PTPRZ1: variants seen among roughly 807,000 people sequenced by gnomAD.
PTPRZ1 encodes the protein receptor-type tyrosine-protein phosphatase zeta.
Under a neutral mutation model 214.1 loss-of-function variants are expected in PTPRZ1, and 82 were observed. That is an observed-to-expected ratio of 0.38 (90% confidence interval 0.32 to 0.46). The LOEUF (loss-of-function observed/expected upper bound fraction) is 0.46. PTPRZ1 is among the 20% of genes least tolerant of loss of function. PTPRZ1 has a pLI of 1.00. For missense variants in PTPRZ1, 2,603 were observed against 2,748.7 expected, an observed-to-expected ratio of 0.95 and a Z score of 1.19; for synonymous variants, 945 against 987.9, an observed-to-expected ratio of 0.96 and a Z score of 0.81.
At chr7:121,918,065 A>G (rs1363954400) in intron 1 of PTPRZ1, among the ~76,000 whole-genome samples, 1 of 152,136 alleles carries the variant, frequency 6.6e-6, no homozygotes, top group Non-Finnish European at 1.5e-5. Context: ...AAAAAAAGGA[A>G]TTCATGCCAA....
chr7:121,924,485 A>C lies in PTPRZ1; in HGVS notation c.59-3671A>C, dbSNP rs1045274974. On this transcript the variant is annotated intron_variant, in intron 1 of 29. Coordinates refer to ENST00000393386, the MANE Select transcript of PTPRZ1 (RefSeq NM_002851.3). ...TGTTTGAAGTAACAATTAAGGGAACAATACATAAAGGAACTGAAGAGAGCT... is the reference window on the plus strand; with the variant it reads ...TGTTTGAAGTAACAATTAAGGGAACCATACATAAAGGAACTGAAGAGAGCT... Among the ~76,000 whole-genome samples, 12 of 152,306 alleles carry C rather than the reference A, an allele frequency of 7.9e-5. No homozygotes were observed. In the East Asian group the frequency reaches 2.1e-3, roughly 27 times the overall value.
Position 122,051,459 on chromosome 7 carries a change from A to T in PTPRZ1, c.6116A>T (p.Asp2039Val), listed in dbSNP as rs376488951. 1.0e-4 allele frequency: 162 copies of T among 1,613,558 alleles called. No individual in the cohort carries two copies. Among genetic ancestry groups the T allele is most frequent in the Non-Finnish European group, 1.4e-4 (160 of 1,179,728 alleles). Residue 2039 changes from aspartate to valine, a missense_variant, in exon 24 of 30, where the codon GAC becomes GTC. Coordinates refer to ENST00000393386, the MANE Select transcript of PTPRZ1 (RefSeq NM_002851.3). The part of the protein sequence containing the change: ...LLSQSNIQQS[D>V]YSAALKQCNR... The stretch of plus-strand genomic sequence containing the variant: ...AGCCAGTCAAATATACAGCAGAGTG[A>T]CTATTCTGCAGCCCTAAAGCAATGC...
intron 2 of PTPRZ1, among the ~76,000 whole-genome samples, chr7:121,948,673 G>A (rs1385567344): frequency 6.6e-6 from 1 of 151,996 alleles, no homozygotes; most frequent in Non-Finnish European, 1.5e-5. Flanking sequence ...AGAGAAAGCA[G>A]AGTGTGATAA....
chr7:121,923,699 T>TG (rs11398058), intron 1 of PTPRZ1, among the ~76,000 whole-genome samples: 98,441 of 151,170 alleles, frequency 0.65, 33,512 homozygotes, highest in African/African-American at 0.86. Flanking sequence ...TTTAACTTGG[T>TG]GGGGGGGTGG....
At chr7:121,977,744 G>A (rs1203169248) in intron 6 of PTPRZ1, among the ~76,000 whole-genome samples, 1 of 150,554 alleles carries the variant, frequency 6.6e-6, no homozygotes, top group East Asian at 1.9e-4. Flanking sequence ...AGCACAAGAT[G>A]AAGCTGTTAC....
In PTPRZ1 at chr7:122,044,503, G is replaced by T. The variant is rs759906783; in HGVS notation, c.6019G>T (p.Ala2007Ser). 6.2e-7 allele frequency: 1 copy of T among 1,613,890 alleles called. No individual in the cohort carries two copies. The highest frequency in any genetic ancestry group is 2.2e-5 in the East Asian group (1 of 44,868). Residue 2007 changes from alanine (A) to serine (S), a missense_variant, in exon 23 of 30, where the codon GCC becomes TCC. Physicochemically the swap from Ala to Ser is moderately conservative, Grantham distance 99 (BLOSUM62 1). This residue lies in a region of PTPRZ1 where 1,913 missense variants were observed against 1,914.3 expected (regional missense o/e 1.00). Coordinates refer to ENST00000393386, the MANE Select transcript of PTPRZ1 (RefSeq NM_002851.3). ...TGAGGTGCTGGACAGTCATATTCAT[G>T]CCTATGTTAATGCACTCCTCATTCC... is the stretch of plus-strand genomic sequence containing the variant. ...ETEVLDSHIH[A>S]YVNALLIPGP... is the part of the protein sequence containing the mutation.
At chr7:121,918,135 A>G (rs185100527) in intron 1 of PTPRZ1, among the ~76,000 whole-genome samples, 2 of 152,294 alleles carry the variant, frequency 1.3e-5, no homozygotes, top group East Asian at 1.9e-4. Context: ...TTGTCCAGAC[A>G]TAAGTGCACA....
intron 25 of PTPRZ1, 98 bp downstream of exon 25, chr7:122,052,037 T>C (rs1474508470): frequency 2.3e-6 from 2 of 879,894 alleles, no homozygotes; most frequent in Non-Finnish European, 1.7e-6. Flanking sequence ...CATGGGCAAA[T>C]GAGTGGTAAA....
chr7:121,954,309 G>A (rs1212956269), intron 2 of PTPRZ1, among the ~76,000 whole-genome samples: 1 of 152,060 alleles, frequency 6.6e-6, no homozygotes, highest in African/African-American at 2.4e-5. Context: ...GGCATGCAAA[G>A]CCCCCAAATT....
chr7:121,982,546 TTCTC>T (rs1179339879), intron 6 of PTPRZ1, among the ~76,000 whole-genome samples: 14 of 152,328 alleles, frequency 9.2e-5, no homozygotes, highest in African/African-American at 3.1e-4. Flanking sequence ...ATTTATTTAA[TTCTC>T]TCCAGAATGT....
chr7:121,972,609 A>G lies in PTPRZ1; in HGVS notation c.373A>G (p.Lys125Glu). The change falls in exon 4 of 30, where the codon AAG becomes GAG. Residue 125 changes from lysine (K) to glutamate (E), a missense_variant. Coordinates refer to ENST00000393386, the MANE Select transcript of PTPRZ1 (RefSeq NM_002851.3). ...TTCAGAAATGGTGTTTAAAGCAAGC[A>G]AGATAACTTTTCACTGGGGAAAATG... ...GVSEMVFKASKITFHWGKCNM... is the reference protein window; with the variant it reads ...GVSEMVFKASEITFHWGKCNM... 1 of 1,613,662 alleles carries G rather than the reference A, an allele frequency of 6.2e-7. No homozygotes were observed. The highest frequency in any genetic ancestry group is 8.5e-7 in the Non-Finnish European group (1 of 1,179,724).
chr7:122,033,218 C>T (rs1799434290), intron 15 of PTPRZ1, among the ~76,000 whole-genome samples: 1 of 151,844 alleles, frequency 6.6e-6, no homozygotes, highest in Admixed American at 6.6e-5. Flanking sequence ...TAACTAATAG[C>T]GTTATACCTT....
intron 2 of PTPRZ1, among the ~76,000 whole-genome samples, chr7:121,957,077 G>T (rs1432504803): frequency 6.6e-6 from 1 of 152,186 alleles, no homozygotes; most frequent in Non-Finnish European, 1.5e-5. Flanking sequence ...GGCATTTCCA[G>T]CACCTTCAGC....
intron 8 of PTPRZ1, among the ~76,000 whole-genome samples, chr7:121,994,552 C>T (rs1046996538): frequency 1.3e-5 from 2 of 152,134 alleles, no homozygotes; most frequent in African/African-American, 4.8e-5. Flanking sequence ...GTATAGTTCA[C>T]TTTAAATCAT....
chr7:121,972,391 A>G, intron 3 of PTPRZ1, 150 bp from the exon 4 acceptor site: 1 of 728,464 alleles, frequency 1.4e-6, no homozygotes, highest in Non-Finnish European at 2.2e-6. Context: ...GCAGACCTAC[A>G]AAGTTTGGCT....
intron 1 of PTPRZ1, among the ~76,000 whole-genome samples, chr7:121,893,273 G>A (rs899091417): frequency 1.3e-5 from 2 of 152,148 alleles, no homozygotes; most frequent in African/African-American, 4.8e-5. Context: ...TGGCTGTGTG[G>A]TTCAAACAAG....
Position 122,061,194 on chromosome 7 carries a change from G to T in PTPRZ1, c.6922G>T (p.Ala2308Ser). The T allele has an allele frequency of 1.2e-6, 2 of 1,606,724 alleles. No individual in the cohort carries two copies. The highest frequency in any genetic ancestry group is 8.5e-7 in the Non-Finnish European group (1 of 1,175,596). Reference sequence around the variant, plus strand: ...TGCAGCATTGCCTGATGGAAATATAGCTGAGAGCTTAGAGTCTTTAGTTTA... The same window carrying T: ...TGCAGCATTGCCTGATGGAAATATATCTGAGAGCTTAGAGTCTTTAGTTTA... ...NGAALPDGNIAESLESLV is the reference protein window; with the variant it reads ...NGAALPDGNISESLESLV Residue 2308 changes from alanine (A) to serine (S), a missense_variant, in exon 30 of 30, where the codon GCT (alanine) becomes TCT (serine). By Grantham distance (99) the Ala-to-Ser change is moderately conservative (BLOSUM62 1). This residue lies in a region of PTPRZ1 where 165 missense variants were observed against 151.4 expected (regional missense o/e 1.09). Transcript: ENST00000393386.
At chr7:121,982,765 A>G (rs537700364) in intron 6 of PTPRZ1, among the ~76,000 whole-genome samples, 2 of 151,764 alleles carry the variant, frequency 1.3e-5, no homozygotes, top group South Asian at 4.2e-4. Context: ...TTCTCTGTAG[A>G]TGATTTTCTT....
At chr7:122,058,490 G>A (rs1011157045) in intron 27 of PTPRZ1, among the ~76,000 whole-genome samples, 21 of 152,090 alleles carry the variant, frequency 1.4e-4, no homozygotes, top group African/African-American at 3.9e-4. Context: ...GAATTTAGCC[G>A]TGCAAATACA....
Sources: allele counts gnomAD v4.1 joint callset (sites outside exome capture counted in the v4.1 genomes callset), GRCh38; gene constraint gnomAD v4.1.1; regional missense constraint gnomAD v4.1.1; transcripts MANE v1.5; gene names NCBI Gene and HGNC (gene_info 2026-07-23, HGNC 2026-07-21).